The following PDE8B variants were observed in gnomAD, a reference collection of about 807,000 sequenced individuals.
PDE8B encodes the protein phosphodiesterase 8B, also known as high affinity cAMP-specific and IBMX-insensitive 3',5'-cyclic phosphodiesterase 8B.
In PDE8B, 26 loss-of-function variants were observed where a neutral mutation model predicts 101.3. That is an observed-to-expected ratio of 0.26 (90% CI 0.19 to 0.36). The LOEUF is 0.36. Among genes scored for constraint, PDE8B ranks in the 10% least tolerant of loss-of-function variants. The probability of loss-of-function intolerance (pLI) is 1.00; values close to 1 mark genes in which losing one functional copy is unlikely to be tolerated. For missense variants in PDE8B, 810 were observed against 1,163.1 expected, an observed-to-expected ratio of 0.70 and a Z score of 4.42; for synonymous variants, 424 against 429.3, an observed-to-expected ratio of 0.99 and a Z score of 0.15.
At chr5:77,356,492 C>T (rs1253122770) in intron 10 of PDE8B, among the ~76,000 whole-genome samples, 3 of 152,122 alleles carry the variant, frequency 2.0e-5, no homozygotes, top group East Asian at 1.9e-4. Context: ...TGCAGTGGCA[C>T]GATCTCAGCT....
rs184087308 is a variant in PDE8B, at chr5:77,347,994, G to C, written c.877-1425G>C. On this transcript the variant is annotated intron_variant, in intron 7 of 21. Transcript: ENST00000264917. The stretch of plus-strand genomic sequence containing the variant: ...ATGTCAGTAATGGGGCCAGGAGGGG[G>C]TCTGGAGATCCATGAAGACAATATC... 9.2e-4 allele frequency among the ~76,000 whole-genome samples: 140 copies of C among 152,186 alleles called. 1 individual carries two copies. The highest frequency in any genetic ancestry group is 3.3e-3 in the African/African-American group (139 of 41,544).
chr5:77,361,516 C>CTT (rs34128451), intron 10 of PDE8B, among the ~76,000 whole-genome samples: 6 of 139,978 alleles, frequency 4.3e-5, no homozygotes, highest in South Asian at 2.3e-4. Context: ...TTTCATCTTA[C>CTT]TTTTTTTTTT....
At chr5:77,410,552 A>G (rs979094790) in intron 14 of PDE8B, 1 of 152,178 alleles carries the variant, frequency 6.6e-6, no homozygotes, top group African/African-American at 2.4e-5. Context: ...TCCTCTCCAG[A>G]GAATGCTGTG....
chr5:77,096,869 A>C, the PDE8B span, among the ~76,000 whole-genome samples: 149 of 152,216 alleles, frequency 9.8e-4, 1 homozygote, highest in African/African-American at 3.4e-3. Flanking sequence ...TCTTAACATG[A>C]TTACATCTGC....
intron 1 of PDE8B, among the ~76,000 whole-genome samples, chr5:77,247,458 G>A (rs527984856): frequency 6.6e-4 from 101 of 152,326 alleles, no homozygotes; most frequent in African/African-American, 2.2e-3. Flanking sequence ...GCCCTGTGGG[G>A]CCACAACCAT....
At chr5:77,412,959 A>G in intron 16 of PDE8B, 152 bp from the exon 17 acceptor site, 1 of 711,878 alleles carries the variant, frequency 1.4e-6, no homozygotes, top group Non-Finnish European at 2.5e-6. Context: ...GAGAGATCCT[A>G]CCTCCTAATT....
intron 1 of PDE8B, among the ~76,000 whole-genome samples, chr5:77,241,881 T>G (rs1023892379): frequency 6.6e-6 from 1 of 152,222 alleles, no homozygotes; most frequent in African/African-American, 2.4e-5. Context: ...CTATAATGCC[T>G]CTGGAAAAGA....
At chr5:77,279,793 G>A (rs1177324564) in intron 1 of PDE8B, among the ~76,000 whole-genome samples, 1 of 152,174 alleles carries the variant, frequency 6.6e-6, no homozygotes, top group Non-Finnish European at 1.5e-5. Flanking sequence ...CTACCTCTGT[G>A]CCTCTCTGAA....
intron 1 of PDE8B, among the ~76,000 whole-genome samples, chr5:77,233,968 C>T (rs968623639): frequency 6.6e-6 from 1 of 151,978 alleles, no homozygotes; most frequent in African/African-American, 2.4e-5. Flanking sequence ...CTGCTTTGTG[C>T]TGGGTACTTC....
chr5:77,139,088 G>A, the PDE8B span, among the ~76,000 whole-genome samples: 16 of 152,204 alleles, frequency 1.1e-4, no homozygotes, highest in African/African-American at 3.9e-4. Flanking sequence ...CACAATCTGT[G>A]TAAAAGGGCA....
chr5:77,140,596 T>A, the PDE8B span: 2 of 152,180 alleles, frequency 1.3e-5, no homozygotes, highest in Non-Finnish European at 2.9e-5. Flanking sequence ...CCAATAGGAA[T>A]GGCACCAGGT....
the PDE8B span, among the ~76,000 whole-genome samples, chr5:77,091,271 G>C: frequency 3.9e-5 from 6 of 152,182 alleles, no homozygotes; most frequent in African/African-American, 7.2e-5. Flanking sequence ...TTGTATGCAT[G>C]CATCAAAATA....
intron 10 of PDE8B, among the ~76,000 whole-genome samples, chr5:77,393,126 G>A (rs1334294783): frequency 1.3e-5 from 2 of 152,190 alleles, no homozygotes; most frequent in African/African-American, 2.4e-5. Flanking sequence ...AGTTACAGTG[G>A]CTCACGCCTG....
chr5:77,339,165 T>C (rs539841367), intron 6 of PDE8B, among the ~76,000 whole-genome samples: 1 of 152,202 alleles, frequency 6.6e-6, no homozygotes, highest in Non-Finnish European at 1.5e-5. Flanking sequence ...TTCAGAACTT[T>C]GCAAGTTTCT....
chr5:77,220,814 A>G (rs1750942944), intron 1 of PDE8B, among the ~76,000 whole-genome samples: 1 of 152,178 alleles, frequency 6.6e-6, no homozygotes, highest in Non-Finnish European at 1.5e-5. Flanking sequence ...TTTAGGGAGT[A>G]GTTATCTTTA....
chr5:77,097,689 ATATC>A, the PDE8B span, among the ~76,000 whole-genome samples: 1 of 23,266 alleles, frequency 4.3e-5, no homozygotes, highest in South Asian at 1.6e-3. Flanking sequence ...GAGATTTTAT[ATATC>A]TATATATATA....
chr5:77,133,806 AG>A, the PDE8B span, among the ~76,000 whole-genome samples: 1 of 152,218 alleles, frequency 6.6e-6, no homozygotes, highest in African/African-American at 2.4e-5. Flanking sequence ...CCAGGTTTCA[AG>A]GAACATGTAG....
intron 1 of PDE8B, among the ~76,000 whole-genome samples, chr5:77,306,001 C>T (rs905851589): frequency 2.6e-5 from 4 of 152,278 alleles, no homozygotes; most frequent in African/African-American, 9.6e-5. Context: ...AAGATTCAGA[C>T]TCTGAGTTTT....
the PDE8B span, among the ~76,000 whole-genome samples, chr5:77,125,719 G>A: frequency 6.6e-6 from 1 of 152,092 alleles, no homozygotes; most frequent in Non-Finnish European, 1.5e-5. Context: ...GAAAAATATT[G>A]TATGATTCCA....
Sources: gnomAD v4.1 joint callset for allele counts (sites outside exome capture counted in the v4.1 genomes callset) on GRCh38, gnomAD v4.1.1 for gene constraint, MANE v1.5 for transcripts, NCBI Gene and HGNC (gene_info 2026-07-23, HGNC 2026-07-21) for gene names.